Variants in CNPY1 observed in about 807,000 individuals in gnomAD.
The protein encoded by CNPY1 is protein canopy homolog 1.
A neutral mutation model predicts 14.4 loss-of-function variants in CNPY1; 14 were observed. The ratio of observed to expected loss-of-function variants is 0.97; its 90% confidence interval spans 0.64 to 1.52. The LOEUF is 1.52. CNPY1 is among the 40% of genes most tolerant of loss of function. The probability of loss-of-function intolerance (pLI) is 0.00; values close to 1 mark genes in which losing one functional copy is unlikely to be tolerated. For missense variants in CNPY1, 129 were observed against 131.5 expected, an observed-to-expected ratio of 0.98 and a Z score of 0.09; for synonymous variants, 43 against 46.5, an observed-to-expected ratio of 0.92 and a Z score of 0.31.
At chr7:155,510,999 A>G (rs1796519319) in intron 2 of CNPY1, among the ~76,000 whole-genome samples, 1 of 152,262 alleles carries the variant, frequency 6.6e-6, no homozygotes. Context: ...GCTGATACAT[A>G]TACAATATAT....
chr7:155,533,927 T>C (rs1231695236), intron 2 of CNPY1: 2 of 152,084 alleles, frequency 1.3e-5, no homozygotes, highest in Non-Finnish European at 2.9e-5. Context: ...CCACATCCCC[T>C]GGGGACAGCA....
At chr7:155,534,631 G>C (rs538660274) in intron 2 of CNPY1, among the ~76,000 whole-genome samples, 79 of 152,320 alleles carry the variant, frequency 5.2e-4, no homozygotes, top group African/African-American at 1.8e-3. Context: ...TGCACTGAGC[G>C]AGGCAGCCCT....
intron 2 of CNPY1, among the ~76,000 whole-genome samples, chr7:155,538,033 C>T (rs892089009): frequency 4.6e-5 from 7 of 152,184 alleles, no homozygotes; most frequent in South Asian, 2.1e-4. Flanking sequence ...GACACAGACA[C>T]GTAAGAGGGC....
chr7:155,509,819 A>C (rs1222492775), intron 2 of CNPY1, among the ~76,000 whole-genome samples: 2 of 152,160 alleles, frequency 1.3e-5, no homozygotes, highest in Admixed American at 6.5e-5. Flanking sequence ...GAATTCGGCG[A>C]GGATTCAGCT....
chr7:155,523,445 G>T (rs548856900), intron 2 of CNPY1, among the ~76,000 whole-genome samples: 1 of 152,218 alleles, frequency 6.6e-6, no homozygotes, highest in Non-Finnish European at 1.5e-5. Context: ...CTGGAGGGAA[G>T]GGCACACTGC....
At chr7:155,509,492 A>C (rs1563087198) in intron 2 of CNPY1, among the ~76,000 whole-genome samples, 2 of 151,934 alleles carry the variant, frequency 1.3e-5, no homozygotes, top group Non-Finnish European at 2.9e-5. Context: ...GAGGAGGGGG[A>C]GAGAGACAGA....
At chr7:155,520,092 C>T (rs1796690290) in intron 2 of CNPY1, among the ~76,000 whole-genome samples, 1 of 152,160 alleles carries the variant, frequency 6.6e-6, no homozygotes, top group African/African-American at 2.4e-5. Flanking sequence ...GTATACATTC[C>T]CGTATGCTCA....
intron 4 of CNPY1, among the ~76,000 whole-genome samples, chr7:155,503,935 C>A (rs1413100172): frequency 1.3e-5 from 2 of 152,172 alleles, no homozygotes; most frequent in Non-Finnish European, 2.9e-5. Flanking sequence ...TTGAGTGGCA[C>A]AGAGCTGCAC....
At chr7:155,544,991 T>A (rs1049445681) in intron 2 of CNPY1, among the ~76,000 whole-genome samples, 2 of 152,188 alleles carry the variant, frequency 1.3e-5, no homozygotes, top group Non-Finnish European at 2.9e-5. Flanking sequence ...CACCTGTCTG[T>A]GACTCTCCTT....
At chr7:155,528,255 C>G (rs1445034267) in intron 2 of CNPY1, among the ~76,000 whole-genome samples, 1 of 152,248 alleles carries the variant, frequency 6.6e-6, no homozygotes, top group Non-Finnish European at 1.5e-5. Flanking sequence ...TAAAACCTCT[C>G]CACCAGAGCC....
chr7:155,540,305 C>T (rs1296444760), intron 2 of CNPY1, among the ~76,000 whole-genome samples: 1 of 152,168 alleles, frequency 6.6e-6, no homozygotes, highest in Non-Finnish European at 1.5e-5. Flanking sequence ...GCCAAAGCAC[C>T]GTGCACTGGG....
chr7:155,542,675 T>C (rs1275817840), intron 2 of CNPY1, among the ~76,000 whole-genome samples: 1 of 152,164 alleles, frequency 6.6e-6, no homozygotes, highest in Non-Finnish European at 1.5e-5. Context: ...TGAGAGGACA[T>C]GCAGGCTGTC....
intron 2 of CNPY1, among the ~76,000 whole-genome samples, chr7:155,543,731 C>T (rs551796024): frequency 2.0e-5 from 3 of 152,160 alleles, no homozygotes; most frequent in Admixed American, 1.3e-4. Context: ...GGAACCCACC[C>T]GCGCGCCTAC....
chr7:155,534,951 G>A (rs1187731159), intron 2 of CNPY1, among the ~76,000 whole-genome samples: 1 of 152,140 alleles, frequency 6.6e-6, no homozygotes, highest in African/African-American at 2.4e-5. Context: ...GGAGGTCGGC[G>A]GTTCTCTGGC....
intron 2 of CNPY1, among the ~76,000 whole-genome samples, chr7:155,513,897 A>G (rs909126073): frequency 6.6e-6 from 1 of 152,258 alleles, no homozygotes; most frequent in African/African-American, 2.4e-5. Flanking sequence ...AGTTTGAAAA[A>G]TAAACCCTTT....
intron 2 of CNPY1, among the ~76,000 whole-genome samples, chr7:155,537,609 GA>G (rs1797038876): frequency 6.6e-6 from 1 of 152,010 alleles, no homozygotes; most frequent in South Asian, 2.1e-4. Context: ...ATTTTTAGTA[GA>G]GATGGGGTTT....
chr7:155,532,547 G>A (rs574168682), intron 2 of CNPY1, among the ~76,000 whole-genome samples: 3 of 152,144 alleles, frequency 2.0e-5, no homozygotes, highest in Non-Finnish European at 4.4e-5. Context: ...CGTGAACCCG[G>A]GAGGCGGAGC....
intron 2 of CNPY1, among the ~76,000 whole-genome samples, chr7:155,542,442 C>T (rs1244185023): frequency 1.3e-5 from 2 of 152,204 alleles, no homozygotes; most frequent in African/African-American, 4.8e-5. Flanking sequence ...TCATGGAGAC[C>T]TCTGCTTGCC....
chr7:155,510,211 G>GGCGCACAAAGGGTCTCCGC (rs1796494094), intron 2 of CNPY1: 2 of 152,144 alleles, frequency 1.3e-5, no homozygotes, highest in African/African-American at 2.4e-5. Flanking sequence ...GCGCGCTCGG[G>GGCGCACAAAGGGTCTCCGC]GCGCACAAAG....
Sources: allele counts gnomAD v4.1 joint callset (sites outside exome capture counted in the v4.1 genomes callset), GRCh38; gene constraint gnomAD v4.1.1; transcripts MANE v1.5; gene names NCBI Gene and HGNC (gene_info 2026-07-23, HGNC 2026-07-21).